Variants in COL22A1 observed in about 807,000 individuals in gnomAD.
COL22A1 encodes the protein collagen type XXII alpha 1 chain.
COL22A1 carries 221 observed loss-of-function variants against 248.9 expected under a neutral mutation model. The ratio of observed to expected loss-of-function variants is 0.89; its 90% CI spans 0.80 to 0.99. The LOEUF (loss-of-function observed/expected upper bound fraction) is 0.99, where lower values mean the gene tolerates loss of function less well. COL22A1 is among the 50% of genes least tolerant of loss of function. The pLI is 0.00. For synonymous variants in COL22A1, 891 were observed against 793.4 expected (o/e 1.12, Z -2.07); for missense variants, 2,240 against 2,179.0 (o/e 1.03, Z -0.56).
intron 12 of COL22A1, among the ~76,000 whole-genome samples, chr8:138,785,612 G>A (rs1269332354): frequency 6.6e-6 from 1 of 152,154 alleles, no homozygotes; most frequent in Non-Finnish European, 1.5e-5. Context: ...CCCTGCAGCT[G>A]AACGCAGAGG....
Position 138,596,899 on chromosome 8 carries a change from C to T in COL22A1, c.4432+5G>A. The stretch of plus-strand genomic sequence containing the variant: ...GCAAGACCGTAACACAGTCCAGATA[C>T]TCACTTTCAAGCTGCTTCCCCAGCT... On this transcript the variant is annotated splice_donor_5th_base_variant and intron_variant, in intron 62 of 64. Coordinates refer to ENST00000303045, the MANE Select transcript of COL22A1 (RefSeq NM_152888.3). 1 of 1,613,762 alleles carries T rather than the reference C, an allele frequency of 6.2e-7. No homozygotes were observed. Among genetic ancestry groups the T allele is most frequent in the Non-Finnish European group, 8.5e-7 (1 of 1,179,716 alleles).
chr8:138,889,855 C>T (rs978834926), intron 1 of COL22A1, among the ~76,000 whole-genome samples: 10 of 152,152 alleles, frequency 6.6e-5, no homozygotes, highest in African/African-American at 1.9e-4. Flanking sequence ...ATTGCAGAAA[C>T]CCGGCTTTAT....
intron 15 of COL22A1, among the ~76,000 whole-genome samples, chr8:138,777,293 C>G (rs1391046432): frequency 6.6e-6 from 1 of 152,204 alleles, no homozygotes; most frequent in African/African-American, 2.4e-5. Flanking sequence ...TCCTAAAGAG[C>G]AGAGCATCTG....
At position 138,719,537 on chromosome 8, in the gene COL22A1, A is replaced by G. The variant is rs76559723; in HGVS notation, c.2355+1202T>C. On this transcript the variant is annotated intron_variant, in intron 27 of 64. Coordinates refer to ENST00000303045, the MANE Select transcript of COL22A1 (RefSeq NM_152888.3). ...GTGTGCTTGAGACAGCTTGGATGCA[A>G]TTTAATCTGTGTGTTTTTCTGCTTG... is the stretch of plus-strand genomic sequence containing the variant. Among the ~76,000 whole-genome samples, 1,009 of 152,194 alleles carry G rather than the reference A, an allele frequency of 6.6e-3. 13 individuals are homozygous for G. The highest frequency in any genetic ancestry group is 0.023 in the African/African-American group (963 of 41,536).
chr8:138,693,778 G>GA lies in COL22A1; in HGVS notation c.2701-80dup. 10 of 1,434,670 alleles carry GA rather than the reference G, an allele frequency of 7.0e-6. No homozygotes were observed. In the South Asian group the frequency reaches 1.2e-4, roughly 18 times the overall value. The allele number at this position is 1,434,670 out of a possible 1,614,324, so 88.9% of individuals were successfully genotyped here. ...TCCCCTCACAGCAGGGAGGTCTCGG[G>GA]AATACCGTGCTCATCAGAAGCATTA... On this transcript the variant is annotated intron_variant, in intron 34 of 64. Coordinates refer to ENST00000303045, the MANE Select transcript of COL22A1 (RefSeq NM_152888.3).
chr8:138,872,730 G>A (rs776163078), intron 3 of COL22A1, among the ~76,000 whole-genome samples: 2 of 152,200 alleles, frequency 1.3e-5, no homozygotes, highest in African/African-American at 2.4e-5. Context: ...AGTTGATGTC[G>A]TGACACAGGG....
At chr8:138,655,138 G>T (rs1178626256) in intron 45 of COL22A1, among the ~76,000 whole-genome samples, 15 of 152,090 alleles carry the variant, frequency 9.9e-5, no homozygotes, top group Non-Finnish European at 2.1e-4. Context: ...AGTATCTCAG[G>T]CTTCTTATAT....
intron 2 of COL22A1, among the ~76,000 whole-genome samples, chr8:138,879,755 T>G (rs959072868): frequency 1.1e-4 from 16 of 148,844 alleles, no homozygotes; most frequent in African/African-American, 4.0e-4. Context: ...CTAGTTTGAC[T>G]CTTCCAGAAG....
intron 3 of COL22A1, among the ~76,000 whole-genome samples, chr8:138,867,101 CGTCTCT>C (rs1822955614): frequency 1.3e-5 from 2 of 152,300 alleles, no homozygotes; most frequent in South Asian, 4.1e-4. Context: ...TTGGATCATG[CGTCTCT>C]GTCTTAAAGA....
chr8:138,873,267 G>A (rs554826357), intron 3 of COL22A1, among the ~76,000 whole-genome samples: 1 of 151,798 alleles, frequency 6.6e-6, no homozygotes, highest in African/African-American at 2.4e-5. Context: ...CCATCAAAAT[G>A]TGAATGCATT....
rs111451031 is a variant in COL22A1 at position 138,748,984 on chromosome 8, T to C, written c.2085+2474A>G. On this transcript the variant is annotated intron_variant, in intron 22 of 64. Coordinates refer to ENST00000303045, the MANE Select transcript of COL22A1 (RefSeq NM_152888.3). Reference sequence around the variant, plus strand: ...GGGGGCAGTTTCCCCCATACTATTCTTGTGGTAGTGAATAAGTCTCACGAG... The same window carrying C: ...GGGGGCAGTTTCCCCCATACTATTCCTGTGGTAGTGAATAAGTCTCACGAG... 5.7e-3 allele frequency among the ~76,000 whole-genome samples: 870 copies of C among 152,308 alleles called. 9 individuals carry two copies. Among genetic ancestry groups the C allele is most frequent in the African/African-American group, 0.019 (785 of 41,578 alleles).
At chr8:138,621,289 A>T (rs1819783728) in intron 52 of COL22A1, among the ~76,000 whole-genome samples, 1 of 152,202 alleles carries the variant, frequency 6.6e-6, no homozygotes, top group African/African-American at 2.4e-5. Context: ...GCCCAAGTGC[A>T]GGGAAGTCAA....
intron 3 of COL22A1, among the ~76,000 whole-genome samples, chr8:138,853,298 C>A (rs1200822932): frequency 6.6e-6 from 1 of 152,246 alleles, no homozygotes; most frequent in East Asian, 1.9e-4. Flanking sequence ...CAAATGGAGA[C>A]AACAGGGACA....
intron 4 of COL22A1, among the ~76,000 whole-genome samples, chr8:138,842,386 T>A (rs1820949735): frequency 6.6e-6 from 1 of 152,210 alleles, no homozygotes; most frequent in Non-Finnish European, 1.5e-5. Context: ...AATGAATTAC[T>A]TGGGTGATAC....
intron 23 of COL22A1, among the ~76,000 whole-genome samples, chr8:138,726,590 C>T (rs1185651008): frequency 6.6e-6 from 1 of 151,884 alleles, no homozygotes; most frequent in Non-Finnish European, 1.5e-5. Context: ...GACACCAGGT[C>T]GTTCTTGCAC....
At chr8:138,620,693 T>A (rs1254451555) in intron 52 of COL22A1, 1 of 152,200 alleles carries the variant, frequency 6.6e-6, no homozygotes, top group Non-Finnish European at 1.5e-5. Context: ...ATGATGTCAC[T>A]GACGCCTGAC....
intron 63 of COL22A1, among the ~76,000 whole-genome samples, chr8:138,593,056 T>C (rs974240495): frequency 6.6e-6 from 1 of 152,176 alleles, no homozygotes; most frequent in South Asian, 2.1e-4. Flanking sequence ...AATGAGTTCA[T>C]GTCCTTTGCA....
At chr8:138,754,567 GCAGGGACC>G (rs1391966807) in intron 21 of COL22A1, among the ~76,000 whole-genome samples, 4 of 152,190 alleles carry the variant, frequency 2.6e-5, no homozygotes, top group Non-Finnish European at 4.4e-5. Flanking sequence ...CAACTTTAAA[GCAGGGACC>G]CTGTGGAGGG....
Position 138,589,572 on chromosome 8 carries a change from C to T in COL22A1, c.4694-132G>A, listed in dbSNP as rs116332442. ...TCCTCAGACAGAGCATCCCCATGGT[C>T]TGGGAGCTCTGAGCAACTAGAGTGG... On this transcript the variant is annotated intron_variant, in intron 64 of 64. Transcript: ENST00000303045. 3.3e-3 allele frequency: 2,227 copies of T among 674,962 alleles called. 45 individuals are homozygous for T. In the African/African-American group the frequency reaches 0.039, roughly 12 times the overall value. 41.8% of individuals were successfully genotyped at this position (674,962 alleles called of 1,614,324 possible).
Sources: gnomAD v4.1 joint callset for allele counts (sites outside exome capture counted in the v4.1 genomes callset) on GRCh38, gnomAD v4.1.1 for gene constraint, MANE v1.5 for transcripts, NCBI Gene and HGNC (gene_info 2026-07-23, HGNC 2026-07-21) for gene names.